The following BNC2 variants were observed in gnomAD, a reference collection of about 807,000 sequenced individuals.
BNC2 encodes basonuclin zinc finger protein 2.
Under a neutral mutation model 76.3 loss-of-function variants are expected in BNC2, and 20 were observed. The observed-to-expected ratio is 0.26, with a 90% confidence interval of 0.18 to 0.38. BNC2 has a LOEUF of 0.38. Ranked by LOEUF, BNC2 falls within the 10% of genes least tolerant of loss-of-function variation. The probability of loss-of-function intolerance (pLI) is 1.00; values close to 1 mark genes in which losing one functional copy is unlikely to be tolerated. For missense variants in BNC2, 1,382 were observed against 1,399.8 expected, an observed-to-expected ratio of 0.99 and a Z score of 0.20; for synonymous variants, 582 against 514.8, an observed-to-expected ratio of 1.13 and a Z score of -1.77.
chr9:16,433,896 C>T (rs1820951793), intron 6 of BNC2, among the ~76,000 whole-genome samples: 1 of 152,036 alleles, frequency 6.6e-6, no homozygotes, highest in African/African-American at 2.4e-5. Flanking sequence ...TAAAAAAATA[C>T]AATGCATTAA....
chr9:16,820,428 A>C (rs1225333677), intron 1 of BNC2, among the ~76,000 whole-genome samples: 1 of 148,788 alleles, frequency 6.7e-6, no homozygotes, highest in Non-Finnish European at 1.5e-5. Flanking sequence ...TTTCGTTCCA[A>C]AAAAAAAAAG....
At chr9:16,592,490 T>C (rs868616169) in intron 3 of BNC2, among the ~76,000 whole-genome samples, 9 of 152,154 alleles carry the variant, frequency 5.9e-5, no homozygotes, top group South Asian at 4.1e-4. Context: ...GAGGGAAATA[T>C]GTAATGATAA....
intron 1 of BNC2, among the ~76,000 whole-genome samples, chr9:16,785,714 A>T (rs111684653): frequency 2.0e-4 from 30 of 151,586 alleles, no homozygotes; most frequent in African/African-American, 7.3e-4. Flanking sequence ...GAAAGAATGG[A>T]TGCAGGCTGG....
chr9:16,471,788 G>C (rs891036740), intron 5 of BNC2, among the ~76,000 whole-genome samples: 1 of 152,096 alleles, frequency 6.6e-6, no homozygotes, highest in African/African-American at 2.4e-5. Flanking sequence ...TGGTTTGGCT[G>C]TGTCCCCACC....
intron 1 of BNC2, among the ~76,000 whole-genome samples, chr9:16,861,053 C>T (rs1366595273): frequency 6.7e-6 from 1 of 148,716 alleles, no homozygotes; most frequent in East Asian, 2.0e-4. Flanking sequence ...AAAAAAAAGA[C>T]AGCTGCGCAC....
intron 1 of BNC2, among the ~76,000 whole-genome samples, chr9:16,792,452 C>A (rs1432507173): frequency 6.6e-6 from 1 of 152,168 alleles, no homozygotes; most frequent in Non-Finnish European, 1.5e-5. Context: ...GCCAGGCAAA[C>A]CTGATTCATA....
rs537680261 is a variant in BNC2, at chr9:16,487,195, G to C, written c.670-49671C>G. 3.8e-4 allele frequency among the ~76,000 whole-genome samples: 58 copies of C among 152,304 alleles called. 2 individuals carry two copies. Among genetic ancestry groups the C allele is most frequent in the African/African-American group, 1.3e-3 (53 of 41,554 alleles). ...GAAGAACAACTAGAAGCACAGTCTT[G>C]AGGGGGTCAAACGTCCTCTCCTAGC... On this transcript the variant is annotated intron_variant, in intron 5 of 6. Transcript: ENST00000380672.
intron 6 of BNC2, among the ~76,000 whole-genome samples, chr9:16,427,961 ATAC>A (rs1183579458): frequency 6.6e-6 from 1 of 152,190 alleles, no homozygotes; most frequent in Non-Finnish European, 1.5e-5. Flanking sequence ...GCTGGGACAA[ATAC>A]ATAAGTTTTT....
chr9:16,776,209 G>T (rs1020155382), intron 1 of BNC2, among the ~76,000 whole-genome samples: 1 of 79,474 alleles, frequency 1.3e-5, no homozygotes, highest in African/African-American at 1.1e-4. Context: ...GAACCATCTC[G>T]GGCTCACTGC....
chr9:16,463,014 T>A (rs940413381), intron 5 of BNC2, among the ~76,000 whole-genome samples: 1 of 152,060 alleles, frequency 6.6e-6, no homozygotes, highest in Non-Finnish European at 1.5e-5. Flanking sequence ...GCCCACCCAT[T>A]TCCTTCTTTC....
At chr9:16,781,724 G>C (rs1343355481) in intron 1 of BNC2, among the ~76,000 whole-genome samples, 1 of 152,016 alleles carries the variant, frequency 6.6e-6, no homozygotes, top group Admixed American at 6.6e-5. Flanking sequence ...AAGTATATTG[G>C]AAAATATATA....
At chr9:16,609,983 T>G (rs1157934477) in intron 3 of BNC2, among the ~76,000 whole-genome samples, 1 of 152,142 alleles carries the variant, frequency 6.6e-6, no homozygotes, top group Non-Finnish European at 1.5e-5. Context: ...CACAAGCTCT[T>G]AAGAAGGCAA....
intron 3 of BNC2, among the ~76,000 whole-genome samples, chr9:16,658,173 A>G (rs1424796468): frequency 6.6e-6 from 1 of 152,200 alleles, no homozygotes; most frequent in Non-Finnish European, 1.5e-5. Flanking sequence ...CAAATCAGTA[A>G]TACATGTAGA....
intron 3 of BNC2, among the ~76,000 whole-genome samples, chr9:16,606,036 G>A (rs139999658): frequency 2.6e-5 from 4 of 152,110 alleles, no homozygotes; most frequent in South Asian, 2.1e-4. Flanking sequence ...GACCCATGGC[G>A]CCCAGTCAAG....
At chr9:16,792,968 G>A (rs1309917736) in intron 1 of BNC2, among the ~76,000 whole-genome samples, 1 of 152,200 alleles carries the variant, frequency 6.6e-6, no homozygotes, top group African/African-American at 2.4e-5. Context: ...GATACATTTA[G>A]AACATTTGTA....
At chr9:16,503,547 C>T (rs10962461) in intron 5 of BNC2, among the ~76,000 whole-genome samples, 5 of 152,062 alleles carry the variant, frequency 3.3e-5, no homozygotes, top group South Asian at 2.1e-4. Context: ...TACAGTCACT[C>T]GTTGAGAACT....
chr9:16,685,559 T>A, intron 3 of BNC2: 2 of 1,304,210 alleles, frequency 1.5e-6, no homozygotes, highest in South Asian at 2.5e-5. Flanking sequence ...ACTTCCAGCC[T>A]GTGGTATGGC....
chr9:16,805,334 G>GT (rs764445346), intron 1 of BNC2, among the ~76,000 whole-genome samples: 5 of 150,370 alleles, frequency 3.3e-5, no homozygotes, highest in Admixed American at 1.3e-4. Context: ...TTTTTTGTTG[G>GT]TTTTTTTTTG....
intron 1 of BNC2, among the ~76,000 whole-genome samples, chr9:16,865,915 A>C (rs1371038926): frequency 6.6e-6 from 1 of 152,200 alleles, no homozygotes; most frequent in Non-Finnish European, 1.5e-5. Context: ...ATTAAATTAT[A>C]GCTGAACTCT....
Sources: gnomAD v4.1 joint callset for allele counts (sites outside exome capture counted in the v4.1 genomes callset) on GRCh38, gnomAD v4.1.1 for gene constraint, MANE v1.5 for transcripts, NCBI Gene and HGNC (gene_info 2026-07-23, HGNC 2026-07-21) for gene names.